The following CUL4A variants were observed in gnomAD, a reference collection of about 807,000 sequenced individuals.
CUL4A encodes cullin 4A.
Under a neutral mutation model 95.5 loss-of-function variants are expected in CUL4A, and 16 were observed. The observed-to-expected ratio is 0.17, with a 90% CI of 0.11 to 0.25. The LOEUF is 0.25. CUL4A is among the 10% of genes least tolerant of loss of function. CUL4A has a pLI of 1.00. For synonymous variants in CUL4A, 380 were observed against 353.1 expected (o/e 1.08, Z -0.85); for missense variants, 610 against 937.0 (o/e 0.65, Z 4.56).
At chr13:113,258,925 C>G (rs987546449) in intron 18 of CUL4A, among the ~76,000 whole-genome samples, 5 of 152,154 alleles carry the variant, frequency 3.3e-5, no homozygotes, top group African/African-American at 1.2e-4. Flanking sequence ...GAAGATGGCT[C>G]AGATCCATGA....
chr13:113,234,121 C>T (rs772584270), intron 7 of CUL4A, 135 bp downstream of exon 7: 1 of 572,796 alleles, frequency 1.7e-6, no homozygotes, highest in Non-Finnish European at 3.1e-6. Flanking sequence ...TGCAATCTTG[C>T]CAGAATCCCC....
At position 113,217,855 on chromosome 13, in the gene CUL4A, A is replaced by G. The variant is rs145585798; in HGVS notation, c.265-1090A>G. Among the ~76,000 whole-genome samples the G allele has an allele frequency of 5.3e-5, 8 of 152,356 alleles. No individual in the cohort carries two copies. The East Asian group carries it at 1.5e-3, about 29-fold the overall frequency. ...TAAGTTTTTGTACCTAAGATTGGAA[A>G]GGAAATTTTATTAGAACTGGTAAGA... On this transcript the variant is annotated intron_variant, in intron 2 of 19. Coordinates refer to ENST00000375440, the MANE Select transcript of CUL4A (RefSeq NM_001008895.4).
chr13:113,257,234 A>G (rs987939368), intron 18 of CUL4A, among the ~76,000 whole-genome samples: 5 of 151,884 alleles, frequency 3.3e-5, no homozygotes, highest in African/African-American at 1.2e-4. Flanking sequence ...CTGCTTTGTC[A>G]TTTTTGACAG....
At chr13:113,244,632 T>A in intron 12 of CUL4A, 118 bp downstream of exon 12, 2 of 731,780 alleles carry the variant, frequency 2.7e-6, no homozygotes, top group Non-Finnish European at 4.7e-6. Context: ...TGCATTAGAA[T>A]GAACACTTTT....
At chr13:113,213,167 C>A (rs1235194081) in intron 2 of CUL4A, among the ~76,000 whole-genome samples, 1 of 152,072 alleles carries the variant, frequency 6.6e-6, no homozygotes, top group African/African-American at 2.4e-5. Context: ...GTGGCCTGAT[C>A]GCTTGAGCCC....
chr13:113,243,831 G>T (rs188776984), intron 11 of CUL4A, among the ~76,000 whole-genome samples: 6 of 152,304 alleles, frequency 3.9e-5, no homozygotes, highest in Admixed American at 1.3e-4. Flanking sequence ...TGTATCATTT[G>T]TGGTTTCTCT....
intron 19 of CUL4A, 63 bp downstream of exon 19, chr13:113,260,822 T>A: frequency 1.6e-6 from 2 of 1,233,912 alleles, no homozygotes; most frequent in Non-Finnish European, 2.3e-6. Flanking sequence ...AAAGCATGTT[T>A]AATTCTATGT....
intron 2 of CUL4A, among the ~76,000 whole-genome samples, chr13:113,215,930 CTCTGTGTGACTATGGAGGTCTCG>C (rs2040668335): frequency 6.8e-6 from 1 of 146,944 alleles, no homozygotes; most frequent in South Asian, 2.2e-4. Flanking sequence ...CTGTGGCGGT[CTCTGTGTGACTATGGAGGTCTCG>C]TCTGTGTGGC....
In CUL4A at chr13:113,255,071, G is replaced by A; in HGVS notation, c.1977G>A (p.Glu659=). 2 of 1,614,098 alleles carry A rather than the reference G, an allele frequency of 1.2e-6. No individual in the cohort carries two copies. The highest frequency in any genetic ancestry group is 1.7e-6 in the Non-Finnish European group (2 of 1,179,956). The change falls in exon 18 of 20, where the codon GAG becomes GAA. Residue 659 remains glutamate (E), a synonymous_variant. Coordinates refer to ENST00000375440, the MANE Select transcript of CUL4A (RefSeq NM_001008895.4). ...EDGDKFIFNG[E]FKHKLFRIKI... is the part of the protein sequence containing the mutation. The stretch of plus-strand genomic sequence containing the variant: ...GAGACAAGTTCATTTTTAATGGAGA[G>A]TTCAAGCACAAGTTGTTTAGAATAA...
chr13:113,215,218 G>A (rs1185693001), intron 2 of CUL4A, among the ~76,000 whole-genome samples: 1 of 137,696 alleles, frequency 7.3e-6, no homozygotes, highest in Non-Finnish European at 1.6e-5. Flanking sequence ...GGAGTATGGA[G>A]GTCACATCCC....
rs1264248717 is a variant in CUL4A, at chr13:113,218,892, TGAA to T, written c.265-52_265-50del. The T allele has an allele frequency of 1.8e-3, 2,289 of 1,301,674 alleles. 39 individuals carry two copies. The African/African-American group carries it at 0.03, about 17-fold the overall frequency. The allele number at this position is 1,301,674 out of a possible 1,614,324, so 80.6% of individuals were successfully genotyped here. A position where few individuals can be genotyped will look rare whatever the true frequency, so the allele number is the denominator to read the frequency against. ...CTATGTTAACAATAGGGTTTTTTTA[TGAA>T]CCAATCTGTTGTTCATACTGAAGAA... On this transcript the variant is annotated intron_variant, in intron 2 of 19. Transcript: ENST00000375440.
At position 113,235,137 on chromosome 13, in the gene CUL4A, C is replaced by T; in HGVS notation, c.840C>T (p.His280=). ...ACAGAGTAATCACTTACTTGGACCA[C>T]AGCACACAGTAAGTACCGTTTGCTC... The part of the protein sequence containing the change: ...EGDRVITYLD[H]STQKPLIACV... Residue 280 remains histidine, a synonymous_variant, in exon 8 of 20, where the codon CAC becomes CAT. Transcript: ENST00000375440. The T allele has an allele frequency of 6.2e-7, 1 of 1,610,360 alleles. No individual in the cohort carries two copies. The highest frequency in any genetic ancestry group is 8.5e-7 in the Non-Finnish European group (1 of 1,176,604).
intron 10 of CUL4A, 146 bp from the exon 11 acceptor site, chr13:113,242,822 A>G: frequency 1.5e-6 from 1 of 651,474 alleles, no homozygotes; most frequent in Non-Finnish European, 2.5e-6. Flanking sequence ...TGAAATGTGA[A>G]TTCAATTTGT....
intron 3 of CUL4A, among the ~76,000 whole-genome samples, chr13:113,225,425 T>C (rs1031529030): frequency 6.6e-6 from 1 of 152,274 alleles, no homozygotes; most frequent in Non-Finnish European, 1.5e-5. Context: ...AAAAAAATTA[T>C]TGATTGAGGA....
intron 3 of CUL4A, among the ~76,000 whole-genome samples, chr13:113,224,410 G>C (rs2041025905): frequency 6.6e-6 from 1 of 152,082 alleles, no homozygotes; most frequent in African/African-American, 2.4e-5. Flanking sequence ...GATAACTATA[G>C]ATGAAACTCA....
chr13:113,252,937 AAAT>A (rs2042031539), intron 15 of CUL4A, 142 bp from the exon 16 acceptor site: 2 of 483,420 alleles, frequency 4.1e-6, no homozygotes, highest in African/African-American at 4.0e-5. Flanking sequence ...ACGTTTTTAC[AAAT>A]AATGGAATCC....
intron 7 of CUL4A, among the ~76,000 whole-genome samples, chr13:113,234,351 A>G (rs2041465061): frequency 6.6e-6 from 1 of 152,204 alleles, no homozygotes; most frequent in Non-Finnish European, 1.5e-5. Context: ...AATTTTCCCA[A>G]AAAAAGCTGT....
chr13:113,209,611 G>A, upstream of CUL4A: 5 of 1,030,756 alleles, frequency 4.9e-6, no homozygotes, highest in Non-Finnish European at 5.8e-6. Context: ...GCGGGGCGCG[G>A]CGGTTCCGGC....
At chr13:113,240,365 A>G (rs865952188) in intron 10 of CUL4A, among the ~76,000 whole-genome samples, 1 of 152,132 alleles carries the variant, frequency 6.6e-6, no homozygotes, top group Non-Finnish European at 1.5e-5. Flanking sequence ...CCTGCTGAAG[A>G]CCCTCTAATG....
Sources: gnomAD v4.1 joint callset for allele counts (sites outside exome capture counted in the v4.1 genomes callset) on GRCh38, gnomAD v4.1.1 for gene constraint, MANE v1.5 for transcripts, NCBI Gene and HGNC (gene_info 2026-07-23, HGNC 2026-07-21) for gene names.